ANKRD12: variants seen among roughly 807,000 people sequenced by gnomAD.
ANKRD12 encodes the protein ankyrin repeat domain-containing protein 12.
Under a neutral mutation model 183.4 loss-of-function variants are expected in ANKRD12, and 85 were observed. The observed-to-expected ratio is 0.46, with a 90% CI of 0.39 to 0.56. The LOEUF (loss-of-function observed/expected upper bound fraction) is 0.56, where lower values mean the gene tolerates loss of function less well. Among genes scored for constraint, ANKRD12 ranks in the 20% least tolerant of loss-of-function variants. ANKRD12 has a pLI of 0.00. For synonymous variants in ANKRD12, 914 were observed against 800.2 expected (o/e 1.14, Z -2.40); for missense variants, 2,405 against 2,357.1 (o/e 1.02, Z -0.42).
chr18:9,263,390 A>G lies in ANKRD12; in HGVS notation c.5665-400A>G, dbSNP rs1002739118. Among the ~76,000 whole-genome samples, 5 of 104,456 alleles carry G rather than the reference A, an allele frequency of 4.8e-5. No homozygotes were observed. The Admixed American group carries it at 5.6e-4, about 12-fold the overall frequency. The allele number at this position is 104,456 out of a possible 152,430, so 68.5% of individuals were successfully genotyped here. A position where few individuals can be genotyped will look rare whatever the true frequency, so the allele number is the denominator to read the frequency against. ...TGTTTGATATTTATCATGTCTGCAGACAGACCTCACTATATAGATACCAAT... is the reference window on the plus strand; with the variant it reads ...TGTTTGATATTTATCATGTCTGCAGGCAGACCTCACTATATAGATACCAAT... On this transcript the variant is annotated intron_variant, in intron 9 of 12. Transcript: ENST00000262126.
intron 10 of ANKRD12, among the ~76,000 whole-genome samples, chr18:9,275,084 A>G (rs1243715440): frequency 6.6e-6 from 1 of 152,164 alleles, no homozygotes; most frequent in African/African-American, 2.4e-5. Context: ...CTAGCTACTC[A>G]GAAGGCTGAG....
At chr18:9,138,545 CA>C (rs935283485) in intron 1 of ANKRD12, among the ~76,000 whole-genome samples, 2 of 151,844 alleles carry the variant, frequency 1.3e-5, no homozygotes, top group South Asian at 2.1e-4. Context: ...AACAAACAAA[CA>C]AAAAAACATA....
At chr18:9,169,425 G>A (rs1351267799) in intron 1 of ANKRD12, among the ~76,000 whole-genome samples, 1 of 152,168 alleles carries the variant, frequency 6.6e-6, no homozygotes, top group Non-Finnish European at 1.5e-5. Flanking sequence ...ATTTAGGATA[G>A]TTATCTCTTC....
chr18:9,242,714 A>T (rs2037734746), intron 8 of ANKRD12, among the ~76,000 whole-genome samples: 1 of 152,194 alleles, frequency 6.6e-6, no homozygotes, highest in Non-Finnish European at 1.5e-5. Context: ...AGAAAGACGT[A>T]TGATTGAGGG....
At chr18:9,207,290 A>T (rs899595638) in intron 4 of ANKRD12, among the ~76,000 whole-genome samples, 1 of 152,168 alleles carries the variant, frequency 6.6e-6, no homozygotes, top group Non-Finnish European at 1.5e-5. Flanking sequence ...AATGATAATG[A>T]AATAATAAAT....
At chr18:9,224,026 A>G (rs369950168) in intron 8 of ANKRD12, among the ~76,000 whole-genome samples, 4 of 152,348 alleles carry the variant, frequency 2.6e-5, no homozygotes, top group African/African-American at 9.6e-5. Context: ...TAAGTATTAT[A>G]TAAAGAAACA....
rs1268196540 is a variant in ANKRD12, at chr18:9,255,345, G to C, written c.2078G>C (p.Arg693Thr). The C allele has an allele frequency of 1.2e-6, 2 of 1,607,466 alleles. No individual in the cohort carries two copies. Among genetic ancestry groups the C allele is most frequent in the Admixed American group, 3.4e-5 (2 of 58,652 alleles). The change falls in exon 9 of 13, where the codon AGA becomes ACA. Residue 693 changes from arginine (R) to threonine (T), a missense_variant. Arg to Thr is a moderately conservative substitution (Grantham distance 71). This residue lies in a region of ANKRD12 where 1,983 missense variants were observed against 1,725.9 expected (regional missense o/e 1.15). Coordinates refer to ENST00000262126, the MANE Select transcript of ANKRD12 (RefSeq NM_015208.5). Reference sequence around the variant, plus strand: ...CTGCAGAGGAGTGTGGAATTTGATAGAGAATTTTGGAAAGAGAATTTTTTT... The same window carrying C: ...CTGCAGAGGAGTGTGGAATTTGATACAGAATTTTGGAAAGAGAATTTTTTT... ...KELQRSVEFD[R>T]EFWKENFFKS...
In ANKRD12 at chr18:9,195,514, T is replaced by C. The variant is rs528830249; in HGVS notation, c.88-37T>C. 3 of 1,502,434 alleles carry C rather than the reference T, an allele frequency of 2.0e-6. No individual in the cohort carries two copies. In the African/African-American group the frequency reaches 4.2e-5, roughly 21 times the overall value. The allele number at this position is 1,502,434 out of a possible 1,614,324, so 93.1% of individuals were successfully genotyped here. A position where few individuals can be genotyped will look rare whatever the true frequency, so the allele number is the denominator to read the frequency against. On this transcript the variant is annotated intron_variant, in intron 2 of 12. Transcript: ENST00000262126. The stretch of plus-strand genomic sequence containing the variant: ...TTTCTATACTGTATTGCTTAGCTAA[T>C]ATTGATATAACTTTACTCTATTTGA...
intron 5 of ANKRD12, 54 bp downstream of exon 5, chr18:9,208,857 T>G (rs2035626363): frequency 1.4e-6 from 2 of 1,413,174 alleles, no homozygotes; most frequent in Non-Finnish European, 9.4e-7. Flanking sequence ...CTCAGGCAAC[T>G]GTAGTCTCGT....
chr18:9,203,545 T>A (rs2035300905), intron 3 of ANKRD12, among the ~76,000 whole-genome samples: 1 of 152,190 alleles, frequency 6.6e-6, no homozygotes, highest in Admixed American at 6.5e-5. Context: ...TTCATATTTC[T>A]CTGTCATGAA....
chr18:9,234,572 T>G (rs377220474), intron 8 of ANKRD12, among the ~76,000 whole-genome samples: 24 of 152,248 alleles, frequency 1.6e-4, no homozygotes, highest in African/African-American at 5.5e-4. Flanking sequence ...CAGCCAACAC[T>G]GTGCCACTAT....
intron 6 of ANKRD12, among the ~76,000 whole-genome samples, chr18:9,215,891 A>G (rs1204627474): frequency 6.6e-6 from 1 of 152,124 alleles, no homozygotes; most frequent in East Asian, 1.9e-4. Context: ...AGAGGTATTA[A>G]TAGGTGACTT....
At chr18:9,231,824 CAAAAA>C (rs60799678) in intron 8 of ANKRD12, among the ~76,000 whole-genome samples, 1 of 102,440 alleles carries the variant, frequency 9.8e-6, no homozygotes. Context: ...GACTCTGTCT[CAAAAA>C]AAAAAAAAAA....
rs375709315 is a variant in ANKRD12, at chr18:9,181,549, T to C, written c.-51-833T>C. 2.4e-4 allele frequency among the ~76,000 whole-genome samples: 37 copies of C among 152,330 alleles called. No individual in the cohort carries two copies. In the South Asian group the frequency reaches 5.4e-3, roughly 22 times the overall value. ...CTCAATCTAGCCCAGTGCTGTGCAGTAGACCTTTCTGTTATTACTTAAATG... is the reference window on the plus strand; with the variant it reads ...CTCAATCTAGCCCAGTGCTGTGCAGCAGACCTTTCTGTTATTACTTAAATG... On this transcript the variant is annotated intron_variant, in intron 1 of 12. Transcript: ENST00000262126.
intron 10 of ANKRD12, among the ~76,000 whole-genome samples, chr18:9,266,221 A>G (rs960827557): frequency 2.0e-5 from 3 of 152,234 alleles, no homozygotes; most frequent in African/African-American, 7.2e-5. Context: ...AACTTCCCCA[A>G]TCTAGCAAGG....
Position 9,246,665 on chromosome 18 carries a change from T to G in ANKRD12, c.944-7546T>G, listed in dbSNP as rs112282761. Among the ~76,000 whole-genome samples, 1,197 of 152,352 alleles carry G rather than the reference T, an allele frequency of 7.9e-3. 14 individuals carry two copies. The highest frequency in any genetic ancestry group is 0.027 in the African/African-American group (1,134 of 41,572). ...ACTTTGGCCTTTTAAAATTGACGTATGTGCTTTATTGAATTTGGCAGTATT... is the reference window on the plus strand; with the variant it reads ...ACTTTGGCCTTTTAAAATTGACGTAGGTGCTTTATTGAATTTGGCAGTATT... On this transcript the variant is annotated intron_variant, in intron 8 of 12. Coordinates refer to ENST00000262126, the MANE Select transcript of ANKRD12 (RefSeq NM_015208.5).
Position 9,257,950 on chromosome 18 carries a change from C to A in ANKRD12, c.4683C>A (p.Val1561=). The part of the protein sequence containing the change: ...LGDVQKTDAF[V]PVYSDSTIQE... ...ATGTTCAAAAAACAGATGCCTTTGTCCCAGTGTACTCTGACAGCACTATTC... is the reference window on the plus strand; with the variant it reads ...ATGTTCAAAAAACAGATGCCTTTGTACCAGTGTACTCTGACAGCACTATTC... The change falls in exon 9 of 13, where the codon GTC becomes GTA. Residue 1561 remains valine (V), a synonymous_variant. Transcript: ENST00000262126. The A allele has an allele frequency of 4.3e-6, 7 of 1,613,902 alleles. No individual in the cohort carries two copies. The highest frequency in any genetic ancestry group is 4.2e-6 in the Non-Finnish European group (5 of 1,179,970).
intron 10 of ANKRD12, among the ~76,000 whole-genome samples, chr18:9,265,262 G>T (rs1377605641): frequency 6.6e-6 from 1 of 152,222 alleles, no homozygotes; most frequent in African/African-American, 2.4e-5. Context: ...CTGTCTGACA[G>T]CTTTGAAGAG....
rs1413777063 is a variant in ANKRD12 at position 9,257,368 on chromosome 18, C to T, written c.4101C>T (p.Ser1367=). Residue 1367 remains serine, a synonymous_variant, in exon 9 of 13, where the codon TCC becomes TCT. Transcript: ENST00000262126. ...RDLSNVSNIH[S]SFATSPTGAS... The stretch of plus-strand genomic sequence containing the variant: ...TTTCAAATGTATCTAACATACATTC[C>T]AGTTTTGCAACTTCTCCAACTGGAG... 6 of 1,614,116 alleles carry T rather than the reference C, an allele frequency of 3.7e-6. No individual in the cohort carries two copies. Among genetic ancestry groups the T allele is most frequent in the Non-Finnish European group, 4.2e-6 (5 of 1,180,010 alleles).
Sources: allele counts gnomAD v4.1 joint callset (sites outside exome capture counted in the v4.1 genomes callset), GRCh38; gene constraint gnomAD v4.1.1; regional missense constraint gnomAD v4.1.1; transcripts MANE v1.5; gene names NCBI Gene and HGNC (gene_info 2026-07-23, HGNC 2026-07-21).